C12orf43: variants seen among roughly 807,000 people sequenced by gnomAD.
C12orf43 encodes chromosome 12 open reading frame 43, also known as protein CUSTOS.
Under a neutral mutation model 20.6 loss-of-function variants are expected in C12orf43, and 15 were observed. That is an observed-to-expected ratio of 0.73 (90% CI 0.49 to 1.12). The LOEUF is 1.12. C12orf43 is among the 50% of genes most tolerant of loss of function. The pLI, the probability that C12orf43 is intolerant of heterozygous loss-of-function variation, is 0.00. For missense variants in C12orf43, 334 were observed against 344.4 expected (o/e 0.97, Z 0.24); for synonymous variants, 144 against 130.8 (o/e 1.10, Z -0.69).
chr12:121,004,682 C>T lies in C12orf43; in HGVS notation c.453-193G>A, dbSNP rs923616921. ...CTGGGCGTAGCAGCCTTGTGACCTC[C>T]TTAAGTGACTTAACCTCTCTGACTG... On this transcript the variant is annotated intron_variant, in intron 5 of 5. Transcript: ENST00000288757. The surrounding 1 kb of genome is among the most constrained non-coding windows in gnomAD (Gnocchi z 5.6). Among the ~76,000 whole-genome samples, 1 of 152,194 alleles carries T rather than the reference C, an allele frequency of 6.6e-6. No individual in the cohort carries two copies. The highest frequency in any genetic ancestry group is 1.5e-5 in the Non-Finnish European group (1 of 68,032).
At chr12:121,013,922 C>T (rs1367723602) in intron 1 of C12orf43, among the ~76,000 whole-genome samples, 1 of 152,180 alleles carries the variant, frequency 6.6e-6, no homozygotes, top group Non-Finnish European at 1.5e-5. Flanking sequence ...GGCTAATACA[C>T]CCTCTTGTGG....
At chr12:121,008,372 T>A (rs1878182783) in intron 3 of C12orf43, among the ~76,000 whole-genome samples, 1 of 152,176 alleles carries the variant, frequency 6.6e-6, no homozygotes, top group Non-Finnish European at 1.5e-5. Flanking sequence ...TGTCCTCAAA[T>A]GATCCACCCG....
chr12:121,010,217 C>T (rs1421600848), intron 3 of C12orf43, among the ~76,000 whole-genome samples: 1 of 152,210 alleles, frequency 6.6e-6, no homozygotes, highest in Non-Finnish European at 1.5e-5. Flanking sequence ...GCATGAGAAT[C>T]GCTTGAATCC....
In C12orf43 at chr12:121,002,126, C is replaced by A; in HGVS notation, c.*2027G>T. The stretch of plus-strand genomic sequence containing the variant: ...AGCTCACAAGGCAGCAAGGCCCGAG[C>A]AGCTGAGCAGGGCCGGGGAACTGGC... On this transcript the variant is annotated 3_prime_UTR_variant, in exon 6 of 6. Coordinates refer to ENST00000288757, the MANE Select transcript of C12orf43 (RefSeq NM_022895.3). 1 of 528,406 alleles carries A rather than the reference C, an allele frequency of 1.9e-6. No homozygotes were observed. The highest frequency in any genetic ancestry group is 3.7e-6 in the Non-Finnish European group (1 of 272,608). 32.7% of individuals were successfully genotyped at this position (528,406 alleles called of 1,614,324 possible).
Position 121,004,186 on chromosome 12 carries a change from TG to T in C12orf43, c.755del (p.Pro252GlnfsTer59). On this transcript the variant is annotated frameshift_variant, in exon 6 of 6. Coordinates refer to ENST00000288757, the MANE Select transcript of C12orf43 (RefSeq NM_022895.3). LOFTEE classifies it low-confidence loss of function (END_TRUNC). The surrounding 1 kb of genome is among the most constrained non-coding windows in gnomAD (Gnocchi z 5.6). ...CAGGTATAGCTGTAGCACTCTTTGCTGGTGGGAATGGAGAGGTCTCGCTGGC... is the reference window on the plus strand; with the variant it reads ...CAGGTATAGCTGTAGCACTCTTTGCTGTGGGAATGGAGAGGTCTCGCTGGC... The part of the protein sequence containing the change: ...KKASETSPFP[P>X]AKSATAIPAN The T allele has an allele frequency of 6.2e-7, 1 of 1,614,228 alleles. No homozygotes were observed. Among genetic ancestry groups the T allele is most frequent in the Non-Finnish European group, 8.5e-7 (1 of 1,180,040 alleles).
intron 1 of C12orf43, 146 bp from the exon 2 acceptor site, chr12:121,011,292 TA>T (rs1190905588): frequency 2.3e-6 from 1 of 438,132 alleles, no homozygotes; most frequent in Non-Finnish European, 3.9e-6. Context: ...TATATTTATA[TA>T]TAACTTAAAA....
At position 121,000,791 on chromosome 12, in the gene C12orf43, C is replaced by T. The variant is rs988222889; in HGVS notation, c.*3362G>A. 4.1e-6 allele frequency: 2 copies of T among 493,668 alleles called. No individual in the cohort carries two copies. Among genetic ancestry groups the T allele is most frequent in the African/African-American group, 1.9e-5 (1 of 51,752 alleles). The allele number at this position is 493,668 out of a possible 1,614,324, so 30.6% of individuals were successfully genotyped here. The stretch of plus-strand genomic sequence containing the variant: ...AGTGTTTGACTCAGCCTAGCCAAGC[C>T]AACACGTACAACTACCTACCTCGGC... On this transcript the variant is annotated 3_prime_UTR_variant, in exon 6 of 6. Coordinates refer to ENST00000288757, the MANE Select transcript of C12orf43 (RefSeq NM_022895.3).
chr12:121,015,604 C>T (rs1432581402), intron 1 of C12orf43, among the ~76,000 whole-genome samples: 1 of 152,176 alleles, frequency 6.6e-6, no homozygotes, highest in Non-Finnish European at 1.5e-5. Flanking sequence ...ATTAGAGTGG[C>T]ACATTTTAAA....
chr12:121,004,913 G>T lies in C12orf43; in HGVS notation c.452+90C>A. ...AGGGCCACTGCCTTGGCCTGGTCCT[G>T]ACTGGAGTCTGCTTGGCTATTCCAG... is the stretch of plus-strand genomic sequence containing the variant. On this transcript the variant is annotated intron_variant, in intron 5 of 5. Coordinates refer to ENST00000288757, the MANE Select transcript of C12orf43 (RefSeq NM_022895.3). The surrounding 1 kb of genome is among the most constrained non-coding windows in gnomAD (Gnocchi z 5.6). 1 of 974,098 alleles carries T rather than the reference G, an allele frequency of 1.0e-6. No individual in the cohort carries two copies. The highest frequency in any genetic ancestry group is 2.5e-5 in the South Asian group (1 of 40,096). The allele number at this position is 974,098 out of a possible 1,614,324, so 60.3% of individuals were successfully genotyped here. A position where few individuals can be genotyped will look rare whatever the true frequency, so the allele number is the denominator to read the frequency against.
In C12orf43 at chr12:121,002,313, G is replaced by A. The variant is rs1234753859; in HGVS notation, c.*1840C>T. The A allele has an allele frequency of 4.5e-6, 2 of 447,280 alleles. No individual in the cohort carries two copies. Among genetic ancestry groups the A allele is most frequent in the East Asian group, 4.0e-5 (1 of 24,932 alleles). 27.7% of individuals were successfully genotyped at this position (447,280 alleles called of 1,614,324 possible). On this transcript the variant is annotated 3_prime_UTR_variant, in exon 6 of 6. Transcript: ENST00000288757. ...CCTGAGCACTGCCAGGAGGGACAAA[G>A]GAGCCTGTGAACCCAGGACAAGCAT...
intron 3 of C12orf43, chr12:121,007,268 C>T (rs1878096229): frequency 6.6e-6 from 1 of 152,142 alleles, no homozygotes; most frequent in Non-Finnish European, 1.5e-5. Flanking sequence ...TCCATTTTCT[C>T]GCAATGGTAA....
Position 121,016,177 on chromosome 12 carries a change from C to T in C12orf43, c.145+153G>A, listed in dbSNP as rs529711460. 6 of 1,152,892 alleles carry T rather than the reference C, an allele frequency of 5.2e-6. No individual in the cohort carries two copies. The South Asian group carries it at 7.7e-5, about 15-fold the overall frequency. The allele number at this position is 1,152,892 out of a possible 1,614,324, so 71.4% of individuals were successfully genotyped here. ...TGAAATACCCTCCCTACTGCACCTG[C>T]CCATGCTTTCAATCTGCACTACACC... On this transcript the variant is annotated intron_variant, in intron 1 of 5. Transcript: ENST00000288757.
chr12:121,006,231 A>AG, intron 4 of C12orf43, 90 bp downstream of exon 4: 2 of 1,197,610 alleles, frequency 1.7e-6, no homozygotes, highest in Non-Finnish European at 1.2e-6. Context: ...AAGAAAAAAA[A>AG]AAAAGAATAT....
chr12:121,002,627 C>T lies in C12orf43; in HGVS notation c.*1526G>A, dbSNP rs1877592239. ...CTCCAGCACCCACGCTCTCACACCC[C>T]ACATCTCTGCTTTTCTTGCTCTGCT... On this transcript the variant is annotated 3_prime_UTR_variant, in exon 6 of 6. Transcript: ENST00000288757. 1 of 366,660 alleles carries T rather than the reference C, an allele frequency of 2.7e-6. No individual in the cohort carries two copies. The highest frequency in any genetic ancestry group is 4.0e-5 in the Admixed American group (1 of 25,110). The allele number at this position is 366,660 out of a possible 1,614,324, so 22.7% of individuals were successfully genotyped here. A position where few individuals can be genotyped will look rare whatever the true frequency, so the allele number is the denominator to read the frequency against.
At chr12:121,016,146 G>C in intron 1 of C12orf43, 184 bp downstream of exon 1, 2 of 925,620 alleles carry the variant, frequency 2.2e-6, no homozygotes, top group East Asian at 2.6e-5. Flanking sequence ...TCCCCGACTG[G>C]AATAATGAAA....
rs1230048169 is a variant in C12orf43 at position 121,010,933 on chromosome 12, C to A, written c.189-7G>T. 2 of 1,614,150 alleles carry A rather than the reference C, an allele frequency of 1.2e-6. No individual in the cohort carries two copies. Among genetic ancestry groups the A allele is most frequent in the Non-Finnish European group, 1.7e-6 (2 of 1,179,982 alleles). ...ATGCTCATTCACCTTATGCCTACGA[C>A]ACACACAAAGAGACCTCACTTCCTG... On this transcript the variant is annotated splice_polypyrimidine_tract_variant and splice_region_variant and intron_variant, in intron 2 of 5. Transcript: ENST00000288757.
At chr12:121,012,963 A>AAG (rs1868532974) in intron 1 of C12orf43, among the ~76,000 whole-genome samples, 1 of 152,116 alleles carries the variant, frequency 6.6e-6, no homozygotes, top group African/African-American at 2.4e-5. Flanking sequence ...CTTAACTAAC[A>AAG]AGACAAAACG....
At position 121,001,294 on chromosome 12, in the gene C12orf43, C is replaced by A; in HGVS notation, c.*2859G>T. The A allele has an allele frequency of 7.0e-7, 1 of 1,422,308 alleles. No individual in the cohort carries two copies. The highest frequency in any genetic ancestry group is 9.7e-7 in the Non-Finnish European group (1 of 1,032,406). 88.1% of individuals were successfully genotyped at this position (1,422,308 alleles called of 1,614,324 possible). A position where few individuals can be genotyped will look rare whatever the true frequency, so the allele number is the denominator to read the frequency against. On this transcript the variant is annotated 3_prime_UTR_variant, in exon 6 of 6. Transcript: ENST00000288757. Reference sequence around the variant, plus strand: ...ACCTGAGCCTGCCGAGCAACCGTGGCCCTTCCTGGACAGCTGTGCCTCGCT... The same window carrying A: ...ACCTGAGCCTGCCGAGCAACCGTGGACCTTCCTGGACAGCTGTGCCTCGCT...
intron 3 of C12orf43, among the ~76,000 whole-genome samples, chr12:121,008,249 C>T (rs1592914206): frequency 1.3e-5 from 2 of 152,056 alleles, no homozygotes; most frequent in East Asian, 3.9e-4. Context: ...ATTCTCCTAC[C>T]TCAGCCTCCC....
Sources: gnomAD v4.1 joint callset for allele counts (sites outside exome capture counted in the v4.1 genomes callset) on GRCh38, gnomAD v4.1.1 for gene constraint, Gnocchi (gnomAD v3.1) non-coding constraint, MANE v1.5 for transcripts, NCBI Gene and HGNC (gene_info 2026-07-23, HGNC 2026-07-21) for gene names.